Variants in AFF4 observed in about 807,000 individuals in gnomAD.
The protein encoded by AFF4 is AF4/FMR2 family member 4.
A neutral mutation model predicts 124.8 loss-of-function variants in AFF4; 13 were observed. The ratio of observed to expected loss-of-function variants is 0.10; its 90% CI spans 0.07 to 0.17. AFF4 has a LOEUF of 0.17. AFF4 is among the 10% of genes least tolerant of loss of function. The pLI is 1.00. For missense variants in AFF4, 1,092 were observed against 1,403.8 expected (o/e 0.78, Z 3.55); for synonymous variants, 477 against 496.1 (o/e 0.96, Z 0.51).
chr5:132,886,221 G>T, intron 18 of AFF4, 89 bp downstream of exon 18: 1 of 1,114,128 alleles, frequency 9.0e-7, no homozygotes, highest in African/African-American at 1.6e-5. Context: ...GGTGTGTTTT[G>T]CATAAACATG....
chr5:132,882,261 T>C (rs1473359235), intron 20 of AFF4, among the ~76,000 whole-genome samples: 1 of 151,982 alleles, frequency 6.6e-6, no homozygotes, highest in South Asian at 2.1e-4. Flanking sequence ...CTTTCACCAT[T>C]GCCTCTCTTT....
Position 132,883,552 on chromosome 5 carries a change from A to G in AFF4, c.3152T>C (p.Val1051Ala), listed in dbSNP as rs751695926. 3 of 1,613,346 alleles carry G rather than the reference A, an allele frequency of 1.9e-6. No homozygotes were observed. The highest frequency in any genetic ancestry group is 2.5e-6 in the Non-Finnish European group (3 of 1,179,982). Residue 1051 changes from valine (V) to alanine (A), a missense_variant, in exon 20 of 21, where the codon GTG (valine) becomes GCG (alanine). Transcript: ENST00000265343. Reference protein sequence around the residue: ...APSPGLGSKAVGMPSPVSPKL... With the variant: ...APSPGLGSKAAGMPSPVSPKL... ...TGGAGAAACAGGGGAAGGCATCCCC[A>G]CAGCTTTGCTACACAACAGAAATAG...
rs1200757766 is a variant in AFF4, at chr5:132,946,479, A to G, written c.-4-9286T>C. Among the ~76,000 whole-genome samples the G allele has an allele frequency of 2.6e-5, 4 of 152,252 alleles. No individual in the cohort carries two copies. The East Asian group carries it at 5.8e-4, about 22-fold the overall frequency. On this transcript the variant is annotated intron_variant, in intron 1 of 20. Transcript: ENST00000265343. ...AAATGTGGTATATATACACACATACATAATGGAATACTATTTAGCCATAAG... is the reference window on the plus strand; with the variant it reads ...AAATGTGGTATATATACACACATACGTAATGGAATACTATTTAGCCATAAG...
chr5:132,905,336 A>G (rs1280449440), intron 5 of AFF4, among the ~76,000 whole-genome samples: 1 of 152,216 alleles, frequency 6.6e-6, no homozygotes, highest in African/African-American at 2.4e-5. Flanking sequence ...CAAACTATGC[A>G]TTTCTCAAAA....
rs201979348 is a variant in AFF4, at chr5:132,931,244, AGTG to A, written c.963+931_963+933del. Among the ~76,000 whole-genome samples, 1,404 of 152,020 alleles carry A rather than the reference AGTG, an allele frequency of 9.2e-3. 18 individuals carry two copies. The highest frequency in any genetic ancestry group is 0.029 in the African/African-American group (1,198 of 41,440). On this transcript the variant is annotated intron_variant, in intron 4 of 20. Coordinates refer to ENST00000265343, the MANE Select transcript of AFF4 (RefSeq NM_014423.4). ...AGAAGTTCAAGACCAGCCCGGACAA[AGTG>A]GTGAAACCCCATCTCTACTAAAAAT...
chr5:132,921,457 GTTTTCTTTTTT>G (rs1049463363), intron 5 of AFF4, among the ~76,000 whole-genome samples: 9 of 141,414 alleles, frequency 6.4e-5, no homozygotes, highest in African/African-American at 1.0e-4. Flanking sequence ...TATGACAGTT[GTTTTCTTTTTT>G]TTTTCTTTTT....
intron 20 of AFF4, 118 bp from the exon 21 acceptor site, chr5:132,881,304 T>G: frequency 1.9e-6 from 2 of 1,060,362 alleles, no homozygotes; most frequent in Non-Finnish European, 2.7e-6. Context: ...CCTCCTACAC[T>G]AAAATGCTTA....
Position 132,887,637 on chromosome 5 carries a change from C to T in AFF4, c.2934-45G>A, listed in dbSNP as rs191481723. ...AACAAATGACAAACAGAATACTTCA[C>T]CTTGATCTTATGATTTCACTTGTCC... is the stretch of plus-strand genomic sequence containing the variant. On this transcript the variant is annotated intron_variant, in intron 16 of 20. Coordinates refer to ENST00000265343, the MANE Select transcript of AFF4 (RefSeq NM_014423.4). 65 of 1,565,652 alleles carry T rather than the reference C, an allele frequency of 4.2e-5. No individual in the cohort carries two copies. In the African/African-American group the frequency reaches 7.7e-4, roughly 19 times the overall value.
Position 132,929,759 on chromosome 5 carries a change from C to G in AFF4, c.963+2419G>C, listed in dbSNP as rs375712968. Among the ~76,000 whole-genome samples, 4 of 152,212 alleles carry G rather than the reference C, an allele frequency of 2.6e-5. No homozygotes were observed. The East Asian group carries it at 7.7e-4, about 29-fold the overall frequency. On this transcript the variant is annotated intron_variant, in intron 4 of 20. Transcript: ENST00000265343. ...ATATTAAATTTGGATACTATTCTTT[C>G]TATAATCTTAGAGAGCCACTGAAAA...
intron 4 of AFF4, among the ~76,000 whole-genome samples, chr5:132,930,061 C>T (rs547228138): frequency 8.5e-5 from 13 of 152,252 alleles, no homozygotes; most frequent in East Asian, 3.9e-4. Flanking sequence ...CATGGGAAAA[C>T]GGTGTACTAC....
Position 132,896,391 on chromosome 5 carries a change from T to C in AFF4, c.2239A>G (p.Lys747Glu), listed in dbSNP as rs779542488. 6.2e-7 allele frequency: 1 copy of C among 1,613,754 alleles called. No homozygotes were observed. Among genetic ancestry groups the C allele is most frequent in the Non-Finnish European group, 8.5e-7 (1 of 1,179,958 alleles). ...TGTTTCTGAGCCTCTCTCGTGTGCT[T>C]TTCTGGCACATTTTTCTTTTCCCCC... is the stretch of plus-strand genomic sequence containing the variant. Reference protein sequence around the residue: ...PKGEKKNVPEKHTREAQKQAS... With the variant: ...PKGEKKNVPEEHTREAQKQAS... The change falls in exon 11 of 21, where the codon AAG (lysine) becomes GAG (glutamate). Residue 747 changes from lysine to glutamate, a missense_variant. Around this residue, in one of 11 missense-constraint regions of AFF4, gnomAD observed 293 missense variants for 280.2 expected, o/e 1.05. Transcript: ENST00000265343.
chr5:132,936,933 G>A (rs1581321136), intron 2 of AFF4, 134 bp downstream of exon 2: 3 of 1,215,276 alleles, frequency 2.5e-6, no homozygotes, highest in East Asian at 5.2e-5. Context: ...TATCTTCTAT[G>A]TAAAGGACAG....
intron 1 of AFF4, among the ~76,000 whole-genome samples, 154 bp from the exon 2 acceptor site, chr5:132,937,347 G>A (rs1398470260): frequency 6.6e-6 from 1 of 152,188 alleles, no homozygotes; most frequent in African/African-American, 2.4e-5. Flanking sequence ...TTTGGTAATG[G>A]TTTTATCAAC....
At chr5:132,882,972 A>G (rs1318942232) in intron 20 of AFF4, among the ~76,000 whole-genome samples, 4 of 152,094 alleles carry the variant, frequency 2.6e-5, no homozygotes, top group African/African-American at 9.7e-5. Flanking sequence ...ACCTTCTCAG[A>G]TGTACAGATG....
Position 132,889,086 on chromosome 5 carries a change from C to A in AFF4, c.2725G>T (p.Asp909Tyr). Residue 909 changes from aspartate to tyrosine, a missense_variant, in exon 14 of 21, where the codon GAT becomes TAT. Physicochemically the swap from Asp to Tyr is radical, Grantham distance 160. Transcript: ENST00000265343. The stretch of plus-strand genomic sequence containing the variant: ...AAAATCATATTATCTCACCTGTCAT[C>A]AAAGACAAGCTTTGTTCTCCGAGGC... ...SKPRRTKLVF[D>Y]DRNYSADHYL... is the part of the protein sequence containing the mutation. 1 of 1,611,802 alleles carries A rather than the reference C, an allele frequency of 6.2e-7. No individual in the cohort carries two copies. Among genetic ancestry groups the A allele is most frequent in the Non-Finnish European group, 8.5e-7 (1 of 1,177,990 alleles).
intron 4 of AFF4, among the ~76,000 whole-genome samples, chr5:132,931,917 C>T (rs772549589): frequency 6.6e-6 from 1 of 152,116 alleles, no homozygotes; most frequent in Non-Finnish European, 1.5e-5. Context: ...GCACTCCAGG[C>T]TGGGCGACAG....
At chr5:132,910,720 T>C (rs571916630) in intron 5 of AFF4, among the ~76,000 whole-genome samples, 10 of 152,208 alleles carry the variant, frequency 6.6e-5, no homozygotes, top group Admixed American at 6.5e-4. Flanking sequence ...CTTGAGTATA[T>C]ACATCCAAAT....
chr5:132,922,685 CAGG>C (rs1486884983), intron 5 of AFF4, among the ~76,000 whole-genome samples: 3 of 146,114 alleles, frequency 2.1e-5, no homozygotes, highest in African/African-American at 7.6e-5. Flanking sequence ...GAGGCTGAAG[CAGG>C]AGAATTGCTT....
chr5:132,893,022 G>A lies in AFF4; in HGVS notation c.2396+8C>T, dbSNP rs922682646. On this transcript the variant is annotated splice_region_variant and intron_variant, in intron 12 of 20. Coordinates refer to ENST00000265343, the MANE Select transcript of AFF4 (RefSeq NM_014423.4). ...AACACTGGCATGCAACATGTTTTGG[G>A]AACGTACTCTCTGTTGCTGGATGGC... 6 of 1,613,646 alleles carry A rather than the reference G, an allele frequency of 3.7e-6. No individual in the cohort carries two copies. Among genetic ancestry groups the A allele is most frequent in the Admixed American group, 1.7e-5 (1 of 60,002 alleles).
Sources: allele counts gnomAD v4.1 joint callset (sites outside exome capture counted in the v4.1 genomes callset), GRCh38; gene constraint gnomAD v4.1.1; regional missense constraint gnomAD v4.1.1; transcripts MANE v1.5; gene names NCBI Gene and HGNC (gene_info 2026-07-23, HGNC 2026-07-21).